The following NME9 variants were observed in gnomAD, a reference collection of about 807,000 sequenced individuals.
The protein encoded by NME9 is NME/NM23 family member 9.
NME9 carries 48 observed loss-of-function variants against 44.4 expected under a neutral mutation model. The observed-to-expected ratio is 1.08, with a 90% CI of 0.86 to 1.37. NME9 has a LOEUF of 1.37. Among genes scored for constraint, NME9 ranks in the 40% most tolerant of loss-of-function variants. The pLI is 0.00. For synonymous variants in NME9, 139 were observed against 147.1 expected, an observed-to-expected ratio of 0.94 and a Z score of 0.40; for missense variants, 325 against 405.2, an observed-to-expected ratio of 0.80 and a Z score of 1.70.
downstream of NME9, chr3:138,296,215 T>C (rs2051469900): frequency 3.8e-6 from 1 of 262,820 alleles, no homozygotes. Flanking sequence ...AGAATGAATA[T>C]GTCTGTGTGA....
rs1478756083 is a variant in NME9, at chr3:138,289,088, G to A, written c.745+14419C>T. The A allele has an allele frequency of 1.9e-6, 3 of 1,613,212 alleles. No individual in the cohort carries two copies. Among genetic ancestry groups the A allele is most frequent in the African/African-American group, 1.3e-5 (1 of 74,880 alleles). ...AAACTGCAGCTTGCAGCCATGTTTTGTATATCAAACCTCATATGGAATGAA... is the reference window on the plus strand; with the variant it reads ...AAACTGCAGCTTGCAGCCATGTTTTATATATCAAACCTCATATGGAATGAA... On this transcript the variant is annotated intron_variant, in intron 8 of 8. Transcript: ENST00000317876.
rs1045256237 is a variant in NME9, at chr3:138,301,702, C to T, written c.931G>A (p.Gly311Ser). 20 of 1,535,774 alleles carry T rather than the reference C, an allele frequency of 1.3e-5. No individual in the cohort carries two copies. The highest frequency in any genetic ancestry group is 8.2e-5 in the African/African-American group (6 of 73,018). ...GGCCCCGCTGTTGCTTCAGCCTCAC[C>T]GCCTGTGGGATGACAGATGTTTGGT... is the stretch of plus-strand genomic sequence containing the variant. ...SDKDTEAPQG[G>S]EAEATAGPTE... The change falls in exon 11 of 11, where the codon GGT (glycine) becomes AGT (serine). Residue 311 changes from glycine to serine, a missense_variant and splice_region_variant. By Grantham distance (56) the Gly-to-Ser change is moderately conservative (BLOSUM62 0). Transcript: ENST00000333911.
At chr3:138,326,644 A>T (rs2053804541) in intron 1 of NME9, among the ~76,000 whole-genome samples, 1 of 151,074 alleles carries the variant, frequency 6.6e-6, no homozygotes, top group Admixed American at 6.6e-5. Context: ...CATGTTGGCC[A>T]GGCTGGTCGT....
chr3:138,299,323 T>G (rs1158765623), downstream of NME9, among the ~76,000 whole-genome samples: 1 of 152,092 alleles, frequency 6.6e-6, no homozygotes, highest in Non-Finnish European at 1.5e-5. Context: ...TCAGGCTGAG[T>G]GGAGGTCCAG....
chr3:138,277,291 A>C (rs1009072515), intron 8 of NME9, among the ~76,000 whole-genome samples: 7 of 152,230 alleles, frequency 4.6e-5, no homozygotes, highest in Admixed American at 4.6e-4. Flanking sequence ...AAAAGGTAAA[A>C]CTATAAAACT....
chr3:138,317,528 C>T lies in NME9; in HGVS notation c.267+620G>A, dbSNP rs114774208. Reference sequence around the variant, plus strand: ...TAGAGCTGGACCATGGATGTCACACCCAAGGACATCCAAATTATATTTTCA... The same window carrying T: ...TAGAGCTGGACCATGGATGTCACACTCAAGGACATCCAAATTATATTTTCA... On this transcript the variant is annotated intron_variant, in intron 4 of 10. Coordinates refer to ENST00000333911, the MANE Select transcript of NME9 (RefSeq NM_001349018.2). 3.5e-3 allele frequency among the ~76,000 whole-genome samples: 538 copies of T among 152,284 alleles called. 5 individuals are homozygous for T. Among genetic ancestry groups the T allele is most frequent in the African/African-American group, 0.012 (516 of 41,538 alleles).
At chr3:138,315,729 C>G (rs531789924) in intron 4 of NME9, 86 bp from the exon 5 acceptor site, 1 of 1,092,202 alleles carries the variant, frequency 9.2e-7, no homozygotes, top group South Asian at 1.4e-5. Context: ...GGAGTGTCCC[C>G]AAGTTCAAGG....
At chr3:138,291,569 G>C (rs1473078713) in intron 8 of NME9, among the ~76,000 whole-genome samples, 1 of 152,196 alleles carries the variant, frequency 6.6e-6, no homozygotes, top group Non-Finnish European at 1.5e-5. Flanking sequence ...GAAGATAGAT[G>C]ATAAGCAAAT....
intron 8 of NME9, among the ~76,000 whole-genome samples, chr3:138,268,220 G>A (rs1458651114): frequency 1.3e-5 from 2 of 152,090 alleles, no homozygotes; most frequent in Non-Finnish European, 2.9e-5. Context: ...TGCAGCCTGG[G>A]CAAAAGAGGG....
intron 8 of NME9, chr3:138,267,037 A>G (rs909372341): frequency 3.3e-6 from 2 of 608,856 alleles, no homozygotes; most frequent in East Asian, 3.0e-5. Flanking sequence ...TATCTCTCCA[A>G]TACGAAGAAT....
intron 6 of NME9, among the ~76,000 whole-genome samples, chr3:138,311,208 C>T (rs1306205159): frequency 6.6e-6 from 1 of 151,986 alleles, no homozygotes; most frequent in Non-Finnish European, 1.5e-5. Flanking sequence ...AATAGAAAAC[C>T]TCAACAAACC....
At chr3:138,283,491 G>A (rs1450512223) in intron 8 of NME9, among the ~76,000 whole-genome samples, 1 of 152,098 alleles carries the variant, frequency 6.6e-6, no homozygotes, top group East Asian at 1.9e-4. Context: ...TTCAATCACA[G>A]TGAAATGTAA....
In NME9 at chr3:138,289,132, G is replaced by C. The variant is rs1023064877; in HGVS notation, c.745+14375C>G. ...GAATGAAGAGGAAGGTAAGAGATTG[G>C]TGAGATTTGTTTTGAAAAAAATTAT... On this transcript the variant is annotated intron_variant, in intron 8 of 8. Transcript: ENST00000317876. 2.5e-6 allele frequency: 4 copies of C among 1,607,942 alleles called. No homozygotes were observed. In the African/African-American group the frequency reaches 4.0e-5, roughly 16 times the overall value.
intron 3 of NME9, among the ~76,000 whole-genome samples, chr3:138,318,687 G>T (rs961063183): frequency 3.3e-5 from 5 of 152,054 alleles, no homozygotes; most frequent in East Asian, 1.9e-4. Flanking sequence ...AGTGATTATT[G>T]TAAGTTATAT....
At chr3:138,262,521 A>G (rs1449691064) in exon 9 of NME9, 5 of 1,612,094 alleles carry the variant, frequency 3.1e-6, no homozygotes, top group Admixed American at 3.3e-5. Flanking sequence ...CTAAGGTCAG[A>G]CTTCTGAATC....
chr3:138,324,368 G>A, intron 2 of NME9: 1 of 434,480 alleles, frequency 2.3e-6, no homozygotes. Context: ...CAGAAACTGG[G>A]ATAATCAATG....
rs1041712380 is a variant in NME9 at position 138,269,997 on chromosome 3, G to C, written c.746-7411C>G. The C allele has an allele frequency of 1.0e-5, 14 of 1,381,592 alleles. No individual in the cohort carries two copies. The African/African-American group carries it at 2.0e-4, about 20-fold the overall frequency. 85.6% of individuals were successfully genotyped at this position (1,381,592 alleles called of 1,614,324 possible). A position where few individuals can be genotyped will look rare whatever the true frequency, so the allele number is the denominator to read the frequency against. ...TATATGCATGTTTAGTTTGCAAACT[G>C]GACTTTAAAGCTGTGATTTTTTTTT... On this transcript the variant is annotated intron_variant, in intron 8 of 8. Coordinates refer to the NME9 transcript ENST00000317876.
chr3:138,324,799 C>G, intron 2 of NME9, 74 bp downstream of exon 2: 2 of 1,202,818 alleles, frequency 1.7e-6, no homozygotes, highest in Non-Finnish European at 2.5e-6. Context: ...TGCAGCCCTT[C>G]TCTTCATGGT....
chr3:138,321,461 C>T (rs1370272196), intron 2 of NME9, among the ~76,000 whole-genome samples: 1 of 152,226 alleles, frequency 6.6e-6, no homozygotes, highest in Non-Finnish European at 1.5e-5. Flanking sequence ...GCACTACTCC[C>T]CTTTTAAAGG....
Sources: allele counts gnomAD v4.1 joint callset (sites outside exome capture counted in the v4.1 genomes callset), GRCh38; gene constraint gnomAD v4.1.1; transcripts MANE v1.5; gene names NCBI Gene and HGNC (gene_info 2026-07-23, HGNC 2026-07-21).